PGRMC2: variants seen among roughly 807,000 people sequenced by gnomAD.
The protein encoded by PGRMC2 is membrane-associated progesterone receptor component 2.
In PGRMC2, 9 loss-of-function variants were observed where a neutral mutation model predicts 19.3. The observed-to-expected ratio is 0.47, with a 90% CI of 0.28 to 0.81. PGRMC2 has a LOEUF of 0.81. Among genes scored for constraint, PGRMC2 ranks in the 40% least tolerant of loss-of-function variants. PGRMC2 has a pLI of 0.11. For synonymous variants in PGRMC2, 157 were observed against 124.6 expected, an observed-to-expected ratio of 1.26 and a Z score of -1.73; for missense variants, 289 against 297.3, an observed-to-expected ratio of 0.97 and a Z score of 0.21.
At chr4:128,273,338 G>T (rs1216909296) in intron 1 of PGRMC2, among the ~76,000 whole-genome samples, 1 of 152,172 alleles carries the variant, frequency 6.6e-6, no homozygotes, top group Admixed American at 6.5e-5. Flanking sequence ...TGGCATGACT[G>T]ATGTGTTGAC....
intron 1 of PGRMC2, among the ~76,000 whole-genome samples, chr4:128,283,030 T>C (rs760370468): frequency 6.6e-6 from 1 of 152,192 alleles, no homozygotes; most frequent in Non-Finnish European, 1.5e-5. Context: ...AGCAGCAGTA[T>C]TGCAAGGTTC....
chr4:128,285,959 C>A (rs1760976418), intron 1 of PGRMC2, among the ~76,000 whole-genome samples: 1 of 152,004 alleles, frequency 6.6e-6, no homozygotes, highest in African/African-American at 2.4e-5. Context: ...GAAGTACAAA[C>A]AACTAAGAAA....
At chr4:128,283,659 ATTTT>A (rs35900892) in intron 1 of PGRMC2, among the ~76,000 whole-genome samples, 1 of 134,738 alleles carries the variant, frequency 7.4e-6, no homozygotes, top group Non-Finnish European at 1.6e-5. Context: ...CCATAAAAGC[ATTTT>A]TTTTTTTTTT....
At position 128,272,343 on chromosome 4, in the gene PGRMC2, TC is replaced by T; in HGVS notation, c.574+18del. 1 of 1,421,368 alleles carries T rather than the reference TC, an allele frequency of 7.0e-7. No homozygotes were observed. The highest frequency in any genetic ancestry group is 9.3e-7 in the Non-Finnish European group (1 of 1,072,752). 88.0% of individuals were successfully genotyped at this position (1,421,368 alleles called of 1,614,324 possible). A position where few individuals can be genotyped will look rare whatever the true frequency, so the allele number is the denominator to read the frequency against. ...AACAAATATTTAATTTTCCAAAGAA[TC>T]CAACAAAATAAAAATACCTTTAAAC... is the stretch of plus-strand genomic sequence containing the variant. On this transcript the variant is annotated intron_variant, in intron 2 of 2. Coordinates refer to ENST00000296425, the MANE Select transcript of PGRMC2 (RefSeq NM_006320.6).
rs574450754 is a variant in PGRMC2 at position 128,284,883 on chromosome 4, T to C, written c.418+2490A>G. ...TTACATTTTCTATTAATATGCAATA[T>C]CAACATATTCTAAGCCCATAAAATG... is the stretch of plus-strand genomic sequence containing the variant. On this transcript the variant is annotated intron_variant, in intron 1 of 2. Coordinates refer to ENST00000296425, the MANE Select transcript of PGRMC2 (RefSeq NM_006320.6). Among the ~76,000 whole-genome samples the C allele has an allele frequency of 8.5e-5, 13 of 152,342 alleles. No individual in the cohort carries two copies. The East Asian group carries it at 2.1e-3, about 25-fold the overall frequency.
At chr4:128,275,273 T>C (rs1760790080) in intron 1 of PGRMC2, among the ~76,000 whole-genome samples, 1 of 152,074 alleles carries the variant, frequency 6.6e-6, no homozygotes, top group Non-Finnish European at 1.5e-5. Context: ...TAAAACACAT[T>C]TAAATGATAC....
chr4:128,283,438 GA>G, intron 1 of PGRMC2, among the ~76,000 whole-genome samples: 1 of 152,160 alleles, frequency 6.6e-6, no homozygotes, highest in African/African-American at 2.4e-5. Flanking sequence ...AATACTCTAA[GA>G]GGTGCCTTGT....
chr4:128,287,335 C>A, intron 1 of PGRMC2, 38 bp downstream of exon 1: 1 of 1,563,646 alleles, frequency 6.4e-7, no homozygotes, highest in Non-Finnish European at 8.7e-7. Flanking sequence ...TGTGCTTCAG[C>A]TGCAGGGGGT....
At position 128,287,798 on chromosome 4, in the gene PGRMC2, C is replaced by T; in HGVS notation, c.-8G>A. On this transcript the variant is annotated 5_prime_UTR_variant, in exon 1 of 3. Coordinates refer to ENST00000296425, the MANE Select transcript of PGRMC2 (RefSeq NM_006320.6). ...CCCATCACCAGCCGCCATCACTGCCCGCCAGCGCCTTCCTCCTCCTCCCCG... is the reference window on the plus strand; with the variant it reads ...CCCATCACCAGCCGCCATCACTGCCTGCCAGCGCCTTCCTCCTCCTCCCCG... 1 of 1,510,532 alleles carries T rather than the reference C, an allele frequency of 6.6e-7. No homozygotes were observed. The highest frequency in any genetic ancestry group is 9.0e-7 in the Non-Finnish European group (1 of 1,109,372). 93.6% of individuals were successfully genotyped at this position (1,510,532 alleles called of 1,614,324 possible).
chr4:128,286,190 G>C (rs571072855), intron 1 of PGRMC2, among the ~76,000 whole-genome samples: 210 of 151,948 alleles, frequency 1.4e-3, no homozygotes, highest in Non-Finnish European at 2.7e-3. Context: ...AAGGCTTGGA[G>C]GTACTCTCTC....
At chr4:128,284,345 T>C (rs145507541) in intron 1 of PGRMC2, among the ~76,000 whole-genome samples, 3 of 152,344 alleles carry the variant, frequency 2.0e-5, no homozygotes, top group African/African-American at 7.2e-5. Flanking sequence ...AGAGCAGGAA[T>C]ACTTACCAAC....
chr4:128,281,388 A>C (rs192725191), intron 1 of PGRMC2, among the ~76,000 whole-genome samples: 4 of 152,344 alleles, frequency 2.6e-5, no homozygotes, highest in African/African-American at 9.6e-5. Context: ...AAATTCTTAT[A>C]TTGTTCAGAA....
At chr4:128,280,020 G>A (rs1042709951) in intron 1 of PGRMC2, among the ~76,000 whole-genome samples, 1 of 152,008 alleles carries the variant, frequency 6.6e-6, no homozygotes, top group African/African-American at 2.4e-5. Flanking sequence ...CATACCCAAA[G>A]CACTTTACCT....
At chr4:128,276,444 C>T (rs914071247) in intron 1 of PGRMC2, among the ~76,000 whole-genome samples, 6 of 152,140 alleles carry the variant, frequency 3.9e-5, no homozygotes, top group African/African-American at 1.4e-4. Flanking sequence ...CTCAGCCTCC[C>T]AAGTAGCTGG....
chr4:128,269,505 C>T lies in PGRMC2; in HGVS notation c.*1811G>A, dbSNP rs1247739785. 6.6e-6 allele frequency: 1 copy of T among 152,160 alleles called. No individual in the cohort carries two copies. The highest frequency in any genetic ancestry group is 1.5e-5 in the Non-Finnish European group (1 of 68,014). The allele number at this position is 152,160 out of a possible 1,614,324, so 9.4% of individuals were successfully genotyped here. A position where few individuals can be genotyped will look rare whatever the true frequency, so the allele number is the denominator to read the frequency against. On this transcript the variant is annotated 3_prime_UTR_variant, in exon 3 of 3. Coordinates refer to ENST00000296425, the MANE Select transcript of PGRMC2 (RefSeq NM_006320.6). ...CATTTACCAACACTCCACAACCAGT[C>T]TTCAGCAAAGATTTGGCTGAAGATA...
chr4:128,271,574 C>T (rs1285469424), intron 2 of PGRMC2, among the ~76,000 whole-genome samples, 161 bp from the exon 3 acceptor site: 3 of 152,150 alleles, frequency 2.0e-5, no homozygotes, highest in African/African-American at 4.8e-5. Flanking sequence ...GGTCTTTATA[C>T]ACATGTAAAG....
At chr4:128,273,498 A>G (rs545664651) in intron 1 of PGRMC2, among the ~76,000 whole-genome samples, 3 of 152,330 alleles carry the variant, frequency 2.0e-5, no homozygotes, top group Admixed American at 2.0e-4. Context: ...GAATAAAAAG[A>G]AACTCAAGAT....
At chr4:128,285,433 T>C (rs1333866269) in intron 1 of PGRMC2, among the ~76,000 whole-genome samples, 1 of 152,238 alleles carries the variant, frequency 6.6e-6, no homozygotes, top group Non-Finnish European at 1.5e-5. Context: ...CTGGCTTTAA[T>C]TTTTAATTTC....
At chr4:128,287,049 G>A (rs2110566494) in intron 1 of PGRMC2, among the ~76,000 whole-genome samples, 1 of 151,860 alleles carries the variant, frequency 6.6e-6, no homozygotes, top group South Asian at 2.1e-4. Flanking sequence ...CAACTAAAAC[G>A]ATTTTGAAAA....
Sources: allele counts gnomAD v4.1 joint callset (sites outside exome capture counted in the v4.1 genomes callset), GRCh38; gene constraint gnomAD v4.1.1; transcripts MANE v1.5; gene names NCBI Gene and HGNC (gene_info 2026-07-23, HGNC 2026-07-21).